NT5C3A: variants seen among roughly 807,000 people sequenced by gnomAD.
NT5C3A encodes the protein 5'-nucleotidase, cytosolic IIIA, also known as cytosolic 5'-nucleotidase 3A.
A neutral mutation model predicts 40.0 loss-of-function variants in NT5C3A; 23 were observed. The observed-to-expected ratio is 0.58, with a 90% CI of 0.41 to 0.81. The LOEUF (loss-of-function observed/expected upper bound fraction) is 0.81. Ranked by LOEUF, NT5C3A falls within the 40% of genes least tolerant of loss-of-function variation. NT5C3A has a pLI of 0.00. For synonymous variants in NT5C3A, 130 were observed against 141.4 expected, an observed-to-expected ratio of 0.92 and a Z score of 0.57; for missense variants, 328 against 403.0, an observed-to-expected ratio of 0.81 and a Z score of 1.59.
chr7:33,062,235 C>A (rs2128023274), intron 1 of NT5C3A, among the ~76,000 whole-genome samples: 1 of 152,286 alleles, frequency 6.6e-6, no homozygotes, highest in Admixed American at 6.5e-5. Flanking sequence ...CAGCTTATCT[C>A]TAGAGAAACG....
At chr7:33,052,815 A>G (rs753285608) in intron 1 of NT5C3A, among the ~76,000 whole-genome samples, 1 of 152,204 alleles carries the variant, frequency 6.6e-6, no homozygotes, top group Non-Finnish European at 1.5e-5. Context: ...TTGTTAAAAC[A>G]GACTGCTGGG....
In NT5C3A at chr7:33,017,419, G is replaced by C. The variant is rs1785394207; in HGVS notation, c.693+20C>G. On this transcript the variant is annotated intron_variant, in intron 7 of 8. Coordinates refer to ENST00000610140, the MANE Select transcript of NT5C3A (RefSeq NM_001002010.5). ...TATTTTCAGATTTTAAAATTATGAAGAACGATTTGATATTCTTACAGTTTC... is the reference window on the plus strand; with the variant it reads ...TATTTTCAGATTTTAAAATTATGAACAACGATTTGATATTCTTACAGTTTC... 6.5e-7 allele frequency: 1 copy of C among 1,545,130 alleles called. No homozygotes were observed. The highest frequency in any genetic ancestry group is 2.2e-5 in the East Asian group (1 of 44,550).
intron 5 of NT5C3A, 54 bp downstream of exon 5, chr7:33,021,218 C>A (rs1215443135): frequency 2.5e-6 from 4 of 1,603,838 alleles, no homozygotes; most frequent in Non-Finnish European, 3.4e-6. Flanking sequence ...GTTGTAACTG[C>A]AGTGTTGTTT....
intron 2 of NT5C3A, among the ~76,000 whole-genome samples, chr7:33,025,850 A>G (rs1785897592): frequency 6.6e-6 from 1 of 152,166 alleles, no homozygotes. Context: ...CTGTACTCAG[A>G]TTTTATCAAA....
At chr7:33,018,802 C>T (rs1204325839) in intron 6 of NT5C3A, among the ~76,000 whole-genome samples, 3 of 151,486 alleles carry the variant, frequency 2.0e-5, no homozygotes, top group Non-Finnish European at 4.4e-5. Flanking sequence ...CCACTGCACT[C>T]CAGCCTGGGT....
At chr7:33,061,759 T>C (rs898346250) in intron 1 of NT5C3A, among the ~76,000 whole-genome samples, 2 of 152,200 alleles carry the variant, frequency 1.3e-5, no homozygotes, top group African/African-American at 2.4e-5. Flanking sequence ...CCCAGGATTA[T>C]GCATTTCAGG....
At chr7:33,020,658 T>A (rs1191863546) in intron 5 of NT5C3A, among the ~76,000 whole-genome samples, 1 of 152,206 alleles carries the variant, frequency 6.6e-6, no homozygotes, top group Non-Finnish European at 1.5e-5. Flanking sequence ...AAACAAGTTG[T>A]TCCTTCTCAA....
intron 1 of NT5C3A, among the ~76,000 whole-genome samples, chr7:33,028,321 C>A (rs1026565609): frequency 6.6e-6 from 1 of 152,102 alleles, no homozygotes; most frequent in African/African-American, 2.4e-5. Flanking sequence ...TAGGGTTGCT[C>A]AACAATTTAA....
chr7:33,028,997 A>G (rs544492432), intron 1 of NT5C3A, among the ~76,000 whole-genome samples: 2 of 152,262 alleles, frequency 1.3e-5, no homozygotes, highest in Admixed American at 6.5e-5. Context: ...AGAGCTTGAA[A>G]AAAAAAAGAA....
chr7:33,045,588 T>C (rs2128012714), intron 1 of NT5C3A, among the ~76,000 whole-genome samples: 1 of 151,812 alleles, frequency 6.6e-6, no homozygotes, highest in East Asian at 2.0e-4. Flanking sequence ...GCCTCCCGAG[T>C]AGCTGGGACT....
intron 1 of NT5C3A, among the ~76,000 whole-genome samples, chr7:33,027,198 T>A (rs1254695977): frequency 6.6e-6 from 1 of 152,106 alleles, no homozygotes; most frequent in Non-Finnish European, 1.5e-5. Context: ...GCCTCCTGAG[T>A]AGGTAGAAGG....
intron 1 of NT5C3A, among the ~76,000 whole-genome samples, chr7:33,053,304 C>T (rs1787445236): frequency 1.3e-5 from 2 of 152,114 alleles, no homozygotes; most frequent in African/African-American, 2.4e-5. Flanking sequence ...TCTCCTGCCA[C>T]AGCCTCCTGA....
chr7:33,047,471 C>A (rs1787200340), intron 1 of NT5C3A, among the ~76,000 whole-genome samples: 1 of 152,098 alleles, frequency 6.6e-6, no homozygotes. Flanking sequence ...ATATGAAGGA[C>A]TGGCGGGTGA....
At chr7:33,043,553 C>T (rs574459774) in intron 1 of NT5C3A, among the ~76,000 whole-genome samples, 4 of 152,250 alleles carry the variant, frequency 2.6e-5, no homozygotes, top group Admixed American at 6.5e-5. Context: ...CCAGCTTTGT[C>T]GGCTCCAAAA....
chr7:33,052,156 C>G (rs763284368), intron 1 of NT5C3A, among the ~76,000 whole-genome samples: 1 of 151,960 alleles, frequency 6.6e-6, no homozygotes, highest in Non-Finnish European at 1.5e-5. Context: ...TGCAACTTGC[C>G]TTTTCCCCTT....
chr7:33,028,024 T>C (rs1018593068), intron 1 of NT5C3A, among the ~76,000 whole-genome samples: 1 of 152,252 alleles, frequency 6.6e-6, no homozygotes, highest in Non-Finnish European at 1.5e-5. Flanking sequence ...TAAAATACAT[T>C]TAAAATATTT....
rs1162864674 is a variant in NT5C3A, at chr7:33,015,860, T to C, written c.704A>G (p.Lys235Arg). 1 of 1,602,454 alleles carries C rather than the reference T, an allele frequency of 6.2e-7. No homozygotes were observed. The highest frequency in any genetic ancestry group is 8.6e-7 in the Non-Finnish European group (1 of 1,169,364). The change falls in exon 8 of 9, where the codon AAA (lysine) becomes AGA (arginine). Residue 235 changes from lysine to arginine, a missense_variant. Transcript: ENST00000610140. ...FMDFDETGVL[K>R]GFKGELIHVF... ...ATGAATTAGTTCTCCTTTAAATCCT[T>C]TGAGCACCCCCTATGAAAAATATAA... is the stretch of plus-strand genomic sequence containing the variant.
intron 4 of NT5C3A, chr7:33,021,744 A>G (rs918059983): frequency 3.8e-5 from 16 of 423,022 alleles, no homozygotes. Context: ...AGCAAAACCT[A>G]TAGAAAACTG....
chr7:33,055,874 G>A (rs544717563), intron 1 of NT5C3A, among the ~76,000 whole-genome samples: 38 of 149,992 alleles, frequency 2.5e-4, no homozygotes, highest in South Asian at 1.1e-3. Context: ...ACTTTGGAAG[G>A]CTGAGGTGGG....
Sources: allele counts gnomAD v4.1 joint callset (sites outside exome capture counted in the v4.1 genomes callset), GRCh38; gene constraint gnomAD v4.1.1; transcripts MANE v1.5; gene names NCBI Gene and HGNC (gene_info 2026-07-23, HGNC 2026-07-21).